Variants in SERPINB8 observed in about 807,000 individuals in gnomAD.
The protein encoded by SERPINB8 is serpin family B member 8.
SERPINB8 carries 25 observed loss-of-function variants against 35.3 expected under a neutral mutation model. That is an observed-to-expected ratio of 0.71 (90% confidence interval 0.52 to 0.99). The LOEUF (loss-of-function observed/expected upper bound fraction) is 0.99. Among genes scored for constraint, SERPINB8 ranks in the 50% least tolerant of loss-of-function variants. The probability of loss-of-function intolerance (pLI) is 0.00; values close to 1 mark genes in which losing one functional copy is unlikely to be tolerated. For missense variants in SERPINB8, 484 were observed against 446.5 expected, an observed-to-expected ratio of 1.08 and a Z score of -0.76; for synonymous variants, 186 against 160.8, an observed-to-expected ratio of 1.16 and a Z score of -1.19.
At chr18:64,006,419 A>T (rs556364224), downstream of SERPINB8, among the ~76,000 whole-genome samples, 1 of 152,328 alleles carries the variant, frequency 6.6e-6, no homozygotes, top group Non-Finnish European at 1.5e-5. Context: ...GGGAACCCTC[A>T]TGTGGGATTA....
At chr18:63,980,032 C>G in intron 3 of SERPINB8, 94 bp downstream of exon 3, 1 of 1,263,862 alleles carries the variant, frequency 7.9e-7, no homozygotes, top group Non-Finnish European at 1.1e-6. Flanking sequence ...TGACTTAAAA[C>G]GTGCTTGGAA....
chr18:63,991,733 G>T (rs948640584), downstream of SERPINB8, among the ~76,000 whole-genome samples: 9 of 151,404 alleles, frequency 5.9e-5, no homozygotes, highest in Non-Finnish European at 1.2e-4. Flanking sequence ...AGACATCCTT[G>T]TCTGGTTCCT....
chr18:63,990,177 G>C (rs185375884), downstream of SERPINB8, among the ~76,000 whole-genome samples: 383 of 147,958 alleles, frequency 2.6e-3, 1 homozygote, highest in Non-Finnish European at 3.9e-3. Flanking sequence ...CTGGGTTCAA[G>C]CAATTCTCGT....
intron 1 of SERPINB8, among the ~76,000 whole-genome samples, chr18:63,995,069 G>GA (rs2050842689): frequency 6.6e-6 from 1 of 152,158 alleles, no homozygotes; most frequent in East Asian, 1.9e-4. Context: ...GGAGGAGACT[G>GA]AAGAGTTCCT....
chr18:63,986,143 C>A, intron 6 of SERPINB8: 2 of 904,162 alleles, frequency 2.2e-6, no homozygotes, highest in South Asian at 1.7e-5. Flanking sequence ...GAGTCAAAAT[C>A]AAAACAATGC....
At chr18:63,994,984 T>C (rs79477339) in intron 1 of SERPINB8, among the ~76,000 whole-genome samples, 2,636 of 152,226 alleles carry the variant, frequency 0.017, 43 homozygotes, top group Non-Finnish European at 0.027. Context: ...TCCGGCGCCC[T>C]CTACTGGACG....
chr18:64,004,572 C>A (rs915284194), intron 1 of SERPINB8, among the ~76,000 whole-genome samples: 1 of 152,004 alleles, frequency 6.6e-6, no homozygotes, highest in African/African-American at 2.4e-5. Context: ...ATGATAAGAT[C>A]ACTTTTAAGA....
chr18:64,016,309 C>T (rs1014725475), intron 7 of SERPINB8, among the ~76,000 whole-genome samples: 1 of 152,184 alleles, frequency 6.6e-6, no homozygotes, highest in Non-Finnish European at 1.5e-5. Flanking sequence ...CAAATTAGGG[C>T]ACAACACAAG....
chr18:63,972,548 T>C (rs1212872079), intron 1 of SERPINB8, among the ~76,000 whole-genome samples: 2 of 152,182 alleles, frequency 1.3e-5, no homozygotes, highest in African/African-American at 4.8e-5. Context: ...GCAAGTTTGA[T>C]ACATAGGTAT....
At position 64,012,063 on chromosome 18, in the gene SERPINB8, G is replaced by C. The variant is rs181699357; in HGVS notation, c.*3-6847G>C. ...GAAAAATGAGCATATATGACCTTAAGACCCGTAACTATTTAAAAGAGTCAG... is the reference window on the plus strand; with the variant it reads ...GAAAAATGAGCATATATGACCTTAACACCCGTAACTATTTAAAAGAGTCAG... On this transcript the variant is annotated intron_variant, in intron 7 of 7. Coordinates refer to the SERPINB8 transcript ENST00000636430. 1.7e-4 allele frequency among the ~76,000 whole-genome samples: 26 copies of C among 152,150 alleles called. No individual in the cohort carries two copies. The East Asian group carries it at 3.3e-3, about 19-fold the overall frequency.
intron 1 of SERPINB8, among the ~76,000 whole-genome samples, chr18:63,976,143 G>GA (rs1333521056): frequency 2.0e-5 from 3 of 151,630 alleles, no homozygotes; most frequent in African/African-American, 7.3e-5. Flanking sequence ...ACATGTTTAT[G>GA]AAAAAAAGGA....
At chr18:63,972,427 C>A (rs2050499476) in intron 1 of SERPINB8, among the ~76,000 whole-genome samples, 1 of 152,116 alleles carries the variant, frequency 6.6e-6, no homozygotes, top group South Asian at 2.1e-4. Context: ...GTTCTGTATT[C>A]CATTATACTA....
In SERPINB8 at chr18:63,980,614, T is replaced by G. The variant is rs116963935; in HGVS notation, c.306+676T>G. Reference sequence around the variant, plus strand: ...CTGTCCTGGTAGCTGCTGGGTGCTGTTCCCGGAATTTGCCTGCTCTGGGTT... The same window carrying G: ...CTGTCCTGGTAGCTGCTGGGTGCTGGTCCCGGAATTTGCCTGCTCTGGGTT... On this transcript the variant is annotated intron_variant, in intron 3 of 6. Coordinates refer to ENST00000397985, the MANE Select transcript of SERPINB8 (RefSeq NM_002640.4). Among the ~76,000 whole-genome samples, 444 of 152,282 alleles carry G rather than the reference T, an allele frequency of 2.9e-3. 5 individuals carry two copies. In the East Asian group the frequency reaches 0.048, roughly 17 times the overall value.
chr18:64,010,083 G>C (rs1027588811), downstream of SERPINB8, among the ~76,000 whole-genome samples: 1 of 151,954 alleles, frequency 6.6e-6, no homozygotes, highest in Admixed American at 6.6e-5. Context: ...GAAAGAATCT[G>C]TGAGAAAAAG....
Position 63,986,802 on chromosome 18 carries a change from G to A in SERPINB8, c.721-72G>A, listed in dbSNP as rs1022134821. 4.2e-6 allele frequency: 6 copies of A among 1,428,238 alleles called. No individual in the cohort carries two copies. The African/African-American group carries it at 7.2e-5, about 17-fold the overall frequency. 88.5% of individuals were successfully genotyped at this position (1,428,238 alleles called of 1,614,324 possible). A position where few individuals can be genotyped will look rare whatever the true frequency, so the allele number is the denominator to read the frequency against. On this transcript the variant is annotated intron_variant, in intron 6 of 6. Transcript: ENST00000397985. ...TCTAATTGCATGTCATTGGGGGAGG[G>A]GTAATAAATGGGTGTGTGGGTATCA...
At chr18:63,983,441 C>T in intron 4 of SERPINB8, 138 bp from the exon 5 acceptor site, 1 of 747,486 alleles carries the variant, frequency 1.3e-6, no homozygotes, top group South Asian at 1.8e-5. Flanking sequence ...AACACCATCG[C>T]CTAATTCATC....
chr18:64,001,157 G>GA (rs748917852), intron 1 of SERPINB8, among the ~76,000 whole-genome samples: 43 of 152,322 alleles, frequency 2.8e-4, no homozygotes, highest in Non-Finnish European at 6.2e-4. Flanking sequence ...AATGCAAGGT[G>GA]AATTTCTTGT....
intron 6 of SERPINB8, 60 bp downstream of exon 6, chr18:63,985,305 G>A (rs2050736772): frequency 1.3e-6 from 2 of 1,576,374 alleles, no homozygotes; most frequent in African/African-American, 1.4e-5. Flanking sequence ...ATTTCTTTAT[G>A]TTCATCTACC....
chr18:64,001,532 C>A (rs1366740939), intron 1 of SERPINB8, among the ~76,000 whole-genome samples: 1 of 150,910 alleles, frequency 6.6e-6, no homozygotes, highest in Non-Finnish European at 1.5e-5. Flanking sequence ...CTCTTGTTGC[C>A]CAGGCTGGAG....
Sources: allele counts gnomAD v4.1 joint callset (sites outside exome capture counted in the v4.1 genomes callset), GRCh38; gene constraint gnomAD v4.1.1; transcripts MANE v1.5; gene names NCBI Gene and HGNC (gene_info 2026-07-23, HGNC 2026-07-21).